DEXI: variants seen among roughly 807,000 people sequenced by gnomAD.
DEXI encodes dexamethasone-induced protein.
Under a neutral mutation model 2.5 loss-of-function variants are expected in DEXI, and 2 were observed. The ratio of observed to expected loss-of-function variants is 0.81; its 90% CI spans 0.33 to 2.55. The LOEUF (loss-of-function observed/expected upper bound fraction) is 2.55. Ranked by LOEUF, DEXI falls within the 30% of genes most tolerant of loss-of-function variation. The pLI is 0.11. For synonymous variants in DEXI, 71 were observed against 68.7 expected (o/e 1.03, Z -0.17); for missense variants, 108 against 130.3 (o/e 0.83, Z 0.83).
chr16:10,941,970 T>G lies in DEXI; in HGVS notation c.36A>C (p.Ala12=). ...LGARVAAHLD[A]LGPLVPYVPP... is the part of the protein sequence containing the mutation. ...GCACGTAGGGGACCAGGGGGCCCAG[T>G]GCGTCCAGGTGGGCCGCGACCCGGG... The change falls in exon 1 of 2, where the codon GCA becomes GCC. Residue 12 remains alanine, a synonymous_variant. Transcript: ENST00000331808. This position sits in a 1 kb window ranked among gnomAD's most constrained non-coding sequence, Gnocchi z 6.4. The G allele has an allele frequency of 6.5e-7, 1 of 1,529,332 alleles. No individual in the cohort carries two copies. The highest frequency in any genetic ancestry group is 8.8e-7 in the Non-Finnish European group (1 of 1,138,978). 94.7% of individuals were successfully genotyped at this position (1,529,332 alleles called of 1,614,324 possible).
intron 1 of DEXI, chr16:10,930,641 T>C (rs1478153572): frequency 6.6e-6 from 1 of 152,234 alleles, no homozygotes; most frequent in Non-Finnish European, 1.5e-5. Context: ...GTAATAACGA[T>C]GGAAACGGTC....
In DEXI at chr16:10,941,581, C is replaced by CAGGG. The variant is rs2041103356; in HGVS notation, c.*133_*136dup. On this transcript the variant is annotated 3_prime_UTR_variant, in exon 1 of 2. Transcript: ENST00000331808. This position sits in a 1 kb window ranked among gnomAD's most constrained non-coding sequence, Gnocchi z 6.4. ...AGAGGGCACTTACAGGCCTCGGAGGCAGGGGAGGGTCTCCTCCTGGGGAAC... is the reference window on the plus strand; with the variant it reads ...AGAGGGCACTTACAGGCCTCGGAGGCAGGGAGGGGAGGGTCTCCTCCTGGGGAAC... 4 of 1,459,980 alleles carry CAGGG rather than the reference C, an allele frequency of 2.7e-6. No homozygotes were observed. Among genetic ancestry groups the CAGGG allele is most frequent in the Non-Finnish European group, 1.8e-6 (2 of 1,105,604 alleles). The allele number at this position is 1,459,980 out of a possible 1,614,324, so 90.4% of individuals were successfully genotyped here.
rs1018787728 is a variant in DEXI, at chr16:10,937,905, G to C, written c.*149+3664C>G. The C allele has an allele frequency of 3.9e-5, 6 of 152,226 alleles. No homozygotes were observed. Among genetic ancestry groups the C allele is most frequent in the Non-Finnish European group, 7.3e-5 (5 of 68,074 alleles). 9.4% of individuals were successfully genotyped at this position (152,226 alleles called of 1,614,324 possible). On this transcript the variant is annotated intron_variant, in intron 1 of 1. Coordinates refer to ENST00000331808, the MANE Select transcript of DEXI (RefSeq NM_014015.4). This position sits in a 1 kb window ranked among gnomAD's most constrained non-coding sequence, Gnocchi z 4.2. ...CAAGAAAGTTCTCCTAAGGGTCCTG[G>C]GGCTGGGAAGGCAGAGTGGGAAGTC...
rs1040520324 is a variant in DEXI at position 10,934,446 on chromosome 16, C to T, written c.*150-4887G>A. 1 of 152,244 alleles carries T rather than the reference C, an allele frequency of 6.6e-6. No homozygotes were observed. The highest frequency in any genetic ancestry group is 2.4e-5 in the African/African-American group (1 of 41,440). 9.4% of individuals were successfully genotyped at this position (152,244 alleles called of 1,614,324 possible). ...AGTTAAAAGGGCAAAGCAGTAGGTG[C>T]TCAGGGGGTGTCGGGGCCCTGAGAG... On this transcript the variant is annotated intron_variant, in intron 1 of 1. Transcript: ENST00000331808. This position sits in a 1 kb window ranked among gnomAD's most constrained non-coding sequence, Gnocchi z 4.2.
In DEXI at chr16:10,934,624, C is replaced by G. The variant is rs1473602778; in HGVS notation, c.*150-5065G>C. 6.6e-6 allele frequency: 1 copy of G among 152,266 alleles called. No homozygotes were observed. The highest frequency in any genetic ancestry group is 1.5e-5 in the Non-Finnish European group (1 of 68,072). 9.4% of individuals were successfully genotyped at this position (152,266 alleles called of 1,614,324 possible). On this transcript the variant is annotated intron_variant, in intron 1 of 1. Coordinates refer to ENST00000331808, the MANE Select transcript of DEXI (RefSeq NM_014015.4). The surrounding 1 kb of genome is among the most constrained non-coding windows in gnomAD (Gnocchi z 4.2). ...AGATGAGTCATCGAACTTCTGCAAG[C>G]CTCAGTTTCCTCCCTGGTCTAATGG...
At chr16:10,935,866 A>C (rs1302272895) in intron 1 of DEXI, 1 of 152,270 alleles carries the variant, frequency 6.6e-6, no homozygotes, top group Non-Finnish European at 1.5e-5. Flanking sequence ...ACAAGAGAGA[A>C]AGACAGACTG....
intron 1 of DEXI, chr16:10,935,871 A>C (rs2041003246): frequency 6.6e-6 from 1 of 152,282 alleles, no homozygotes; most frequent in Admixed American, 6.5e-5. Context: ...AGAGAAAGAC[A>C]GACTGAAGAG....
At chr16:10,930,055 C>G (rs899238356) in intron 1 of DEXI, 1 of 152,330 alleles carries the variant, frequency 6.6e-6, no homozygotes, top group African/African-American at 2.4e-5. Flanking sequence ...GGCTCTTTCT[C>G]CCAGGATGCA....
chr16:10,935,904 C>T (rs557788488), intron 1 of DEXI: 5 of 152,122 alleles, frequency 3.3e-5, no homozygotes, highest in Admixed American at 2.6e-4. Context: ...GAAGAAGGCT[C>T]GAGATTAATG....
Position 10,934,537 on chromosome 16 carries a change from G to A in DEXI, c.*150-4978C>T, listed in dbSNP as rs2040943155. 6.6e-6 allele frequency: 1 copy of A among 152,206 alleles called. No homozygotes were observed. The highest frequency in any genetic ancestry group is 1.5e-5 in the Non-Finnish European group (1 of 68,066). The allele number at this position is 152,206 out of a possible 1,614,324, so 9.4% of individuals were successfully genotyped here. On this transcript the variant is annotated intron_variant, in intron 1 of 1. Transcript: ENST00000331808. This position sits in a 1 kb window ranked among gnomAD's most constrained non-coding sequence, Gnocchi z 4.2. The stretch of plus-strand genomic sequence containing the variant: ...ACGCCTCCAGCAGACCACCTCACTG[G>A]GGGAAACATCAGGACAGCGTGGCCA...
Position 10,942,018 on chromosome 16 carries a change from A to T in DEXI, c.-13T>A. ...GGGCGCCGAGCATGCAGCGGGTGGC[A>T]AGGGCGGCGGCCCGGCGATCCCGGC... is the stretch of plus-strand genomic sequence containing the variant. On this transcript the variant is annotated 5_prime_UTR_variant, in exon 1 of 2. Coordinates refer to ENST00000331808, the MANE Select transcript of DEXI (RefSeq NM_014015.4). This position sits in a 1 kb window ranked among gnomAD's most constrained non-coding sequence, Gnocchi z 5.0. 7.0e-7 allele frequency: 1 copy of T among 1,423,438 alleles called. No individual in the cohort carries two copies. The highest frequency in any genetic ancestry group is 9.2e-7 in the Non-Finnish European group (1 of 1,087,950). The allele number at this position is 1,423,438 out of a possible 1,614,324, so 88.2% of individuals were successfully genotyped here. A position where few individuals can be genotyped will look rare whatever the true frequency, so the allele number is the denominator to read the frequency against.
chr16:10,935,098 A>G (rs2040974246), intron 1 of DEXI: 1 of 152,270 alleles, frequency 6.6e-6, no homozygotes, highest in South Asian at 2.1e-4. Flanking sequence ...AGGTGCTACT[A>G]TTATCCCTGT....
Position 10,937,667 on chromosome 16 carries a change from CG to C in DEXI, c.*149+3901del, listed in dbSNP as rs901788129. ...AGCAGCTTTCACTTTCATTAGGAAC[CG>C]GGACGAATAATCCAACTGAGCTGCC... is the stretch of plus-strand genomic sequence containing the variant. On this transcript the variant is annotated intron_variant, in intron 1 of 1. Coordinates refer to ENST00000331808, the MANE Select transcript of DEXI (RefSeq NM_014015.4). This position sits in a 1 kb window ranked among gnomAD's most constrained non-coding sequence, Gnocchi z 4.2. 6.6e-6 allele frequency: 1 copy of C among 152,200 alleles called. No individual in the cohort carries two copies. Among genetic ancestry groups the C allele is most frequent in the African/African-American group, 2.4e-5 (1 of 41,430 alleles). 9.4% of individuals were successfully genotyped at this position (152,200 alleles called of 1,614,324 possible).
chr16:10,930,284 A>G (rs2040727460), intron 1 of DEXI: 1 of 152,244 alleles, frequency 6.6e-6, no homozygotes. Flanking sequence ...TATGTTAAAC[A>G]TGTGACATGT....
At position 10,940,434 on chromosome 16, in the gene DEXI, A is replaced by T. The variant is rs529435830; in HGVS notation, c.*149+1135T>A. The T allele has an allele frequency of 6.6e-6, 1 of 152,400 alleles. No individual in the cohort carries two copies. 9.4% of individuals were successfully genotyped at this position (152,400 alleles called of 1,614,324 possible). A position where few individuals can be genotyped will look rare whatever the true frequency, so the allele number is the denominator to read the frequency against. On this transcript the variant is annotated intron_variant, in intron 1 of 1. Coordinates refer to ENST00000331808, the MANE Select transcript of DEXI (RefSeq NM_014015.4). The surrounding 1 kb of genome is among the most constrained non-coding windows in gnomAD (Gnocchi z 4.2). Reference sequence around the variant, plus strand: ...GGTAATGCAGGAGAGGGGTGGACTCAGCCTGCTTGCGGTGAATGGCATTAG... The same window carrying T: ...GGTAATGCAGGAGAGGGGTGGACTCTGCCTGCTTGCGGTGAATGGCATTAG...
Position 10,938,801 on chromosome 16 carries a change from T to C in DEXI, c.*149+2768A>G, listed in dbSNP as rs1004337072. 4 of 152,152 alleles carry C rather than the reference T, an allele frequency of 2.6e-5. No homozygotes were observed. The highest frequency in any genetic ancestry group is 7.2e-5 in the African/African-American group (3 of 41,422). 9.4% of individuals were successfully genotyped at this position (152,152 alleles called of 1,614,324 possible). On this transcript the variant is annotated intron_variant, in intron 1 of 1. Transcript: ENST00000331808. This position sits in a 1 kb window ranked among gnomAD's most constrained non-coding sequence, Gnocchi z 4.9. ...TGACACCCCGAGAGCTTTGCAAGGG[T>C]GTCCCTGAGAGATATTTCCTGGTGT...
Position 10,941,726 on chromosome 16 carries a change from A to G in DEXI, c.280T>C (p.Leu94=). 6.2e-7 allele frequency: 1 copy of G among 1,608,936 alleles called. No homozygotes were observed. The highest frequency in any genetic ancestry group is 1.1e-5 in the South Asian group (1 of 90,570). ...GAACAGCAGTCGAGACCCTACTCCA[A>G]GTACGCATCAAAGACGTCGAGCTCC... ...DSELDVFDAY[L]E The change falls in exon 1 of 2, where the codon TTG becomes CTG. Residue 94 remains leucine (L), a synonymous_variant. Transcript: ENST00000331808. The surrounding 1 kb of genome is among the most constrained non-coding windows in gnomAD (Gnocchi z 6.4).
rs2041049916 is a variant in DEXI at position 10,937,810 on chromosome 16, CAATT to C, written c.*149+3755_*149+3758del. The C allele has an allele frequency of 6.6e-6, 1 of 152,208 alleles. No individual in the cohort carries two copies. The allele number at this position is 152,208 out of a possible 1,614,324, so 9.4% of individuals were successfully genotyped here. Reference sequence around the variant, plus strand: ...TTCCCCATTCCCTGCTCCTGGGCAACAATTAACACTCTAGGAAAACCACAGAGCC... The same window carrying C: ...TTCCCCATTCCCTGCTCCTGGGCAACAACACTCTAGGAAAACCACAGAGCC... On this transcript the variant is annotated intron_variant, in intron 1 of 1. Coordinates refer to ENST00000331808, the MANE Select transcript of DEXI (RefSeq NM_014015.4). This position sits in a 1 kb window ranked among gnomAD's most constrained non-coding sequence, Gnocchi z 4.2.
rs576076075 is a variant in DEXI at position 10,938,099 on chromosome 16, ATAT to A, written c.*149+3467_*149+3469del. ...ATCCGACTATGAATATGAGTGGTTA[ATAT>A]TAATACATCTCTTACTATATACAAG... On this transcript the variant is annotated intron_variant, in intron 1 of 1. Coordinates refer to ENST00000331808, the MANE Select transcript of DEXI (RefSeq NM_014015.4). This position sits in a 1 kb window ranked among gnomAD's most constrained non-coding sequence, Gnocchi z 4.9. The A allele has an allele frequency of 1.1e-3, 165 of 152,354 alleles. 1 individual carries two copies. The highest frequency in any genetic ancestry group is 3.8e-3 in the African/African-American group (159 of 41,578). 9.4% of individuals were successfully genotyped at this position (152,354 alleles called of 1,614,324 possible).
Sources: allele counts gnomAD v4.1 joint callset, GRCh38; gene constraint gnomAD v4.1.1; non-coding constraint Gnocchi (gnomAD v3.1); transcripts MANE v1.5; gene names NCBI Gene and HGNC (gene_info 2026-07-23, HGNC 2026-07-21).